TOX: variants seen among roughly 807,000 people sequenced by gnomAD.
The protein encoded by TOX is thymocyte selection associated high mobility group box.
Under a neutral mutation model 53.7 loss-of-function variants are expected in TOX, and 11 were observed. The ratio of observed to expected loss-of-function variants is 0.20; its 90% confidence interval spans 0.13 to 0.34. The LOEUF (loss-of-function observed/expected upper bound fraction) is 0.34, where lower values mean the gene tolerates loss of function less well. Ranked by LOEUF, TOX falls within the 10% of genes least tolerant of loss-of-function variation. The pLI is 1.00. For synonymous variants in TOX, 225 were observed against 245.3 expected (o/e 0.92, Z 0.77); for missense variants, 570 against 664.6 (o/e 0.86, Z 1.56).
At chr8:59,084,490 T>C (rs1340523938) in intron 1 of TOX, among the ~76,000 whole-genome samples, 1 of 152,200 alleles carries the variant, frequency 6.6e-6, no homozygotes, top group Non-Finnish European at 1.5e-5. Flanking sequence ...CTACTAATAA[T>C]TCGTAGGTAA....
chr8:59,030,309 T>G (rs1814331356), intron 1 of TOX, among the ~76,000 whole-genome samples: 1 of 152,204 alleles, frequency 6.6e-6, no homozygotes, highest in African/African-American at 2.4e-5. Context: ...CCTGTTTAAT[T>G]AAATGTTGAC....
At chr8:58,943,437 A>G (rs1169162593) in intron 2 of TOX, among the ~76,000 whole-genome samples, 1 of 152,102 alleles carries the variant, frequency 6.6e-6, no homozygotes, top group Non-Finnish European at 1.5e-5. Flanking sequence ...ACACATGTCC[A>G]CTTATTCCAG....
chr8:58,842,227 C>G (rs1458615216), intron 4 of TOX, among the ~76,000 whole-genome samples: 2 of 152,078 alleles, frequency 1.3e-5, no homozygotes, highest in Middle Eastern at 3.2e-3. Context: ...AGTCAGCAGA[C>G]TGGGGTGAGT....
At chr8:59,110,456 A>G (rs1241103349) in intron 1 of TOX, among the ~76,000 whole-genome samples, 3 of 152,160 alleles carry the variant, frequency 2.0e-5, no homozygotes, top group Non-Finnish European at 4.4e-5. Context: ...CATTTAATTG[A>G]GTTAACAGAC....
intron 1 of TOX, among the ~76,000 whole-genome samples, chr8:59,001,189 C>A (rs1813682543): frequency 1.3e-5 from 2 of 152,158 alleles, no homozygotes; most frequent in South Asian, 4.1e-4. Context: ...GAACTTTTCT[C>A]AGGTTAGCTG....
At chr8:58,967,016 G>A (rs893248230) in intron 1 of TOX, among the ~76,000 whole-genome samples, 11 of 151,620 alleles carry the variant, frequency 7.3e-5, no homozygotes, top group Non-Finnish European at 1.2e-4. Flanking sequence ...CTGGGACTAC[G>A]GGCGCCCGCC....
chr8:59,049,091 G>T (rs1206411665), intron 1 of TOX, among the ~76,000 whole-genome samples: 2 of 131,284 alleles, frequency 1.5e-5, no homozygotes, highest in Non-Finnish European at 3.1e-5. Flanking sequence ...ATTATTATTT[G>T]GCCCGGTAAT....
intron 3 of TOX, among the ~76,000 whole-genome samples, chr8:58,857,808 C>A (rs73243078): frequency 2.0e-5 from 3 of 151,956 alleles, no homozygotes. Context: ...CTTACTCTGT[C>A]GCACAGGCTA....
chr8:58,963,169 C>T (rs183552485), intron 1 of TOX, among the ~76,000 whole-genome samples: 13 of 152,290 alleles, frequency 8.5e-5, no homozygotes, highest in East Asian at 5.8e-4. Context: ...TGCCAGCTTT[C>T]GGTCTGGAAC....
intron 1 of TOX, among the ~76,000 whole-genome samples, chr8:58,980,868 C>T (rs760177058): frequency 1.3e-5 from 2 of 152,152 alleles, no homozygotes; most frequent in African/African-American, 4.8e-5. Context: ...GGTGAGAACT[C>T]GTTCCTGCCA....
chr8:58,826,207 G>A (rs996122385), intron 6 of TOX, among the ~76,000 whole-genome samples: 2 of 152,174 alleles, frequency 1.3e-5, no homozygotes, highest in African/African-American at 2.4e-5. Context: ...TGAGATAACA[G>A]TGTCTAATGC....
intron 5 of TOX, among the ~76,000 whole-genome samples, chr8:58,831,738 T>C (rs193196763): frequency 6.6e-6 from 1 of 152,328 alleles, no homozygotes; most frequent in East Asian, 1.9e-4. Flanking sequence ...ACATAGTAGG[T>C]GCTCATGAAA....
At chr8:58,836,592 G>A (rs559043753) in intron 5 of TOX, among the ~76,000 whole-genome samples, 2 of 152,270 alleles carry the variant, frequency 1.3e-5, no homozygotes, top group African/African-American at 4.8e-5. Flanking sequence ...TCTTGAAAAG[G>A]ACGTAGGGAA....
At position 58,869,347 on chromosome 8, in the gene TOX, A is replaced by G. The variant is rs538304861; in HGVS notation, c.412-17542T>C. 3.9e-5 allele frequency among the ~76,000 whole-genome samples: 6 copies of G among 152,296 alleles called. 1 individual carries two copies. The South Asian group carries it at 1.2e-3, about 32-fold the overall frequency. ...ATTCAACAACTACTAAAACTCATAC[A>G]AAGAGAAACTGACATCCCAAATAAT... On this transcript the variant is annotated intron_variant, in intron 3 of 8. Transcript: ENST00000361421.
At chr8:58,835,508 T>G (rs1002111357) in intron 5 of TOX, among the ~76,000 whole-genome samples, 3 of 152,206 alleles carry the variant, frequency 2.0e-5, no homozygotes, top group Non-Finnish European at 4.4e-5. Flanking sequence ...AATGCTATCT[T>G]AATATTCTCC....
intron 1 of TOX, among the ~76,000 whole-genome samples, chr8:59,027,283 T>C (rs979293107): frequency 1.3e-5 from 2 of 152,168 alleles, no homozygotes; most frequent in Non-Finnish European, 2.9e-5. Context: ...GGCAGAAATA[T>C]CTGTCTACCT....
chr8:58,823,249 G>A (rs986870275), intron 6 of TOX, among the ~76,000 whole-genome samples: 1 of 152,074 alleles, frequency 6.6e-6, no homozygotes, highest in Admixed American at 6.5e-5. Flanking sequence ...CTGAGATGGA[G>A]TATTACTCTG....
rs1485326091 is a variant in TOX, at chr8:58,876,935, C to T, written c.412-25130G>A. 3.9e-5 allele frequency among the ~76,000 whole-genome samples: 6 copies of T among 152,264 alleles called. No homozygotes were observed. The East Asian group carries it at 1.2e-3, about 29-fold the overall frequency. ...TGTTCTGAATTCCAATTAGTAAAGT[C>T]CCTTCAGTATATTATATTTTGAACT... On this transcript the variant is annotated intron_variant, in intron 3 of 8. Coordinates refer to ENST00000361421, the MANE Select transcript of TOX (RefSeq NM_014729.3).
chr8:59,118,823 C>T lies in TOX; in HGVS notation c.102+63G>A. ...AGCCGGCCCCGCCGCGGCCCGGCCA[C>T]CGCCGCTCCCCTCCCAGGATCAAGC... On this transcript the variant is annotated intron_variant, in intron 1 of 8. Coordinates refer to ENST00000361421, the MANE Select transcript of TOX (RefSeq NM_014729.3). The surrounding 1 kb of genome is among the most constrained non-coding windows in gnomAD (Gnocchi z 4.1). 3 of 1,386,126 alleles carry T rather than the reference C, an allele frequency of 2.2e-6. No homozygotes were observed. The South Asian group carries it at 4.0e-5, about 18-fold the overall frequency. The allele number at this position is 1,386,126 out of a possible 1,614,324, so 85.9% of individuals were successfully genotyped here. A position where few individuals can be genotyped will look rare whatever the true frequency, so the allele number is the denominator to read the frequency against.
Sources: gnomAD v4.1 joint callset for allele counts (sites outside exome capture counted in the v4.1 genomes callset) on GRCh38, gnomAD v4.1.1 for gene constraint, Gnocchi (gnomAD v3.1) non-coding constraint, MANE v1.5 for transcripts, NCBI Gene and HGNC (gene_info 2026-07-23, HGNC 2026-07-21) for gene names.